Variants in ALK observed in about 807,000 individuals in gnomAD.
ALK encodes the protein ALK receptor tyrosine kinase, also known as ALK tyrosine kinase receptor.
ALK carries 74 observed loss-of-function variants against 163.1 expected under a neutral mutation model. The observed-to-expected ratio is 0.45, with a 90% CI of 0.38 to 0.55. The LOEUF is 0.55. ALK is among the 20% of genes least tolerant of loss of function. The pLI is 0.00. For missense variants in ALK, 2,063 were observed against 2,105.3 expected (o/e 0.98, Z 0.39); for synonymous variants, 960 against 843.2 (o/e 1.14, Z -2.40).
At chr2:29,348,263 T>G (rs1336714008) in intron 5 of ALK, among the ~76,000 whole-genome samples, 1 of 152,156 alleles carries the variant, frequency 6.6e-6, no homozygotes, top group African/African-American at 2.4e-5. Context: ...TCCCCCAGGG[T>G]GGTCCATCTG....
At chr2:29,293,505 T>C (rs955735866) in intron 9 of ALK, among the ~76,000 whole-genome samples, 3 of 152,190 alleles carry the variant, frequency 2.0e-5, no homozygotes, top group East Asian at 1.9e-4. Flanking sequence ...TGGGTACATA[T>C]AGAGTATAGG....
intron 1 of ALK, among the ~76,000 whole-genome samples, chr2:29,918,862 G>T (rs900159703): frequency 4.6e-5 from 7 of 152,090 alleles, no homozygotes; most frequent in African/African-American, 1.7e-4. Context: ...AAAGAAGCTG[G>T]GTTTGCTTGA....
intron 4 of ALK, among the ~76,000 whole-genome samples, chr2:29,423,774 C>T (rs897394285): frequency 3.9e-5 from 6 of 152,150 alleles, no homozygotes; most frequent in Non-Finnish European, 5.9e-5. Context: ...GTTTTGGCTG[C>T]ATTTACCTTA....
chr2:29,195,860 A>G (rs1339830006), intron 28 of ALK, among the ~76,000 whole-genome samples: 1 of 152,248 alleles, frequency 6.6e-6, no homozygotes, highest in Non-Finnish European at 1.5e-5. Flanking sequence ...AGAGCATCGG[A>G]CAGAACAAAG....
chr2:29,300,178 C>A (rs1666327747), intron 8 of ALK, among the ~76,000 whole-genome samples: 1 of 151,074 alleles, frequency 6.6e-6, no homozygotes, highest in Non-Finnish European at 1.5e-5. Context: ...GGTAAATAGA[C>A]AATAGTAGGA....
intron 5 of ALK, among the ~76,000 whole-genome samples, chr2:29,378,338 A>G (rs1484954042): frequency 6.6e-6 from 1 of 152,112 alleles, no homozygotes; most frequent in Non-Finnish European, 1.5e-5. Context: ...TGTTCATTCA[A>G]TTTCTACATG....
At chr2:29,580,911 G>A (rs1056028394) in intron 3 of ALK, among the ~76,000 whole-genome samples, 2 of 152,178 alleles carry the variant, frequency 1.3e-5, no homozygotes, top group Non-Finnish European at 2.9e-5. Flanking sequence ...TTATGTCTCA[G>A]GCAGGCAGAA....
intron 3 of ALK, among the ~76,000 whole-genome samples, chr2:29,669,220 C>G (rs1238509623): frequency 1.3e-5 from 2 of 152,016 alleles, no homozygotes; most frequent in Non-Finnish European, 2.9e-5. Context: ...TATTATTGGA[C>G]TGTAGTCTAT....
intron 1 of ALK, among the ~76,000 whole-genome samples, chr2:29,750,689 A>AAGGC (rs1680336431): frequency 1.7e-5 from 2 of 116,984 alleles, no homozygotes; most frequent in East Asian, 2.4e-4. Flanking sequence ...GGAAGGAAGG[A>AAGGC]AGGAAGGAAG....
Position 29,280,808 on chromosome 2 carries a change from G to A in ALK, c.1818-5312C>T, listed in dbSNP as rs1665696254. Reference sequence around the variant, plus strand: ...GTAGACCACTCTGGGACTGAGGGGAGGTTATGGTATGTGCCAGGTATACCA... The same window carrying A: ...GTAGACCACTCTGGGACTGAGGGGAAGTTATGGTATGTGCCAGGTATACCA... On this transcript the variant is annotated intron_variant, in intron 9 of 28. Coordinates refer to ENST00000389048, the MANE Select transcript of ALK (RefSeq NM_004304.5). Among the ~76,000 whole-genome samples, 3 of 148,862 alleles carry A rather than the reference G, an allele frequency of 2.0e-5. No homozygotes were observed. In the South Asian group the frequency reaches 6.5e-4, roughly 32 times the overall value.
chr2:29,287,657 T>G (rs80317127), intron 9 of ALK, among the ~76,000 whole-genome samples: 4,899 of 152,028 alleles, frequency 0.032, 97 homozygotes, highest in Non-Finnish European at 0.048. Context: ...AAGGAGGCAA[T>G]GTGAGCGGAG....
chr2:29,786,986 A>G (rs962701129), intron 1 of ALK, among the ~76,000 whole-genome samples: 3 of 152,256 alleles, frequency 2.0e-5, no homozygotes, highest in African/African-American at 4.8e-5. Context: ...TAGTAAAGAC[A>G]GGGTTTCACC....
At chr2:29,601,828 A>G (rs1427935246) in intron 3 of ALK, among the ~76,000 whole-genome samples, 1 of 152,062 alleles carries the variant, frequency 6.6e-6, no homozygotes, top group Non-Finnish European at 1.5e-5. Flanking sequence ...GATGCCCCTT[A>G]CCAGACTCAG....
At chr2:29,658,607 CCA>C (rs919220257) in intron 3 of ALK, among the ~76,000 whole-genome samples, 11 of 152,070 alleles carry the variant, frequency 7.2e-5, no homozygotes, top group African/African-American at 2.4e-4. Flanking sequence ...AATAAAACAC[CCA>C]CACAGAGTTG....
intron 12 of ALK, among the ~76,000 whole-genome samples, chr2:29,247,482 G>A (rs1439861395): frequency 6.6e-6 from 1 of 152,224 alleles, no homozygotes; most frequent in Non-Finnish European, 1.5e-5. Flanking sequence ...AGGAGATGGG[G>A]GTTCCAGGGT....
At chr2:29,856,055 C>T (rs1331918216) in intron 1 of ALK, among the ~76,000 whole-genome samples, 1 of 152,118 alleles carries the variant, frequency 6.6e-6, no homozygotes, top group Non-Finnish European at 1.5e-5. Flanking sequence ...TACGTTGTCT[C>T]TTCTTAAGAA....
intron 4 of ALK, among the ~76,000 whole-genome samples, chr2:29,389,757 A>G (rs1434527094): frequency 6.6e-6 from 1 of 152,216 alleles, no homozygotes; most frequent in African/African-American, 2.4e-5. Flanking sequence ...TTCACATGAT[A>G]ATGACGCCTT....
chr2:29,511,465 T>A (rs930829941), intron 4 of ALK, among the ~76,000 whole-genome samples: 1 of 152,232 alleles, frequency 6.6e-6, no homozygotes, highest in African/African-American at 2.4e-5. Context: ...ATCATATATA[T>A]CAGTATTTTA....
chr2:29,609,155 C>T (rs1675619077), intron 3 of ALK, among the ~76,000 whole-genome samples: 1 of 152,192 alleles, frequency 6.6e-6, no homozygotes, highest in African/African-American at 2.4e-5. Flanking sequence ...AACTCCTGGC[C>T]TCAAACAATC....
Sources: allele counts gnomAD v4.1 joint callset (sites outside exome capture counted in the v4.1 genomes callset), GRCh38; gene constraint gnomAD v4.1.1; transcripts MANE v1.5; gene names NCBI Gene and HGNC (gene_info 2026-07-23, HGNC 2026-07-21).